Variants in MARK3 observed in about 807,000 individuals in gnomAD.
The protein encoded by MARK3 is microtubule affinity regulating kinase 3.
MARK3 carries 46 observed loss-of-function variants against 90.1 expected under a neutral mutation model. That is an observed-to-expected ratio of 0.51 (90% CI 0.40 to 0.65). The LOEUF (loss-of-function observed/expected upper bound fraction) is 0.65. MARK3 is among the 30% of genes least tolerant of loss of function. MARK3 has a pLI of 0.00. For missense variants in MARK3, 818 were observed against 947.2 expected (o/e 0.86, Z 1.79); for synonymous variants, 321 against 332.6 (o/e 0.97, Z 0.38).
chr14:103,495,633 G>A (rs751066819), intron 15 of MARK3, among the ~76,000 whole-genome samples: 6 of 152,096 alleles, frequency 3.9e-5, no homozygotes, highest in Non-Finnish European at 7.4e-5. Flanking sequence ...GGAGACTCAG[G>A]CTTGTTGTTT....
rs1398731652 is a variant in MARK3 at position 103,472,999 on chromosome 14, T to TC, written c.1265-1992dup. Among the ~76,000 whole-genome samples, 12 of 143,154 alleles carry TC rather than the reference T, an allele frequency of 8.4e-5. 1 individual carries two copies. The East Asian group carries it at 1.0e-3, about 12-fold the overall frequency. 93.9% of individuals were successfully genotyped at this position (143,154 alleles called of 152,430 possible). ...CCACAGCCTGGCCACAGAGCGAGAC[T>TC]CCGTCTCGAAAAAAAAAAAAAGGAA... On this transcript the variant is annotated intron_variant, in intron 12 of 17. Transcript: ENST00000429436.
chr14:103,476,328 T>G (rs1184042310), intron 13 of MARK3, among the ~76,000 whole-genome samples: 1 of 152,142 alleles, frequency 6.6e-6, no homozygotes, highest in African/African-American at 2.4e-5. Context: ...TTCAAAGAGC[T>G]CTAATGATGA....
At chr14:103,500,030 G>A in intron 16 of MARK3, 126 bp from the exon 17 acceptor site, 1 of 755,458 alleles carries the variant, frequency 1.3e-6, no homozygotes, top group East Asian at 2.7e-5. Context: ...CCCGGCTGGT[G>A]TTTAAAACGT....
At chr14:103,401,504 G>C (rs2090963805) in intron 1 of MARK3, among the ~76,000 whole-genome samples, 1 of 152,152 alleles carries the variant, frequency 6.6e-6, no homozygotes, top group African/African-American at 2.4e-5. Context: ...CGTGGAAACT[G>C]ATCTCCATGT....
chr14:103,490,190 C>T (rs930106505), intron 14 of MARK3: 1 of 152,078 alleles, frequency 6.6e-6, no homozygotes, highest in Admixed American at 6.6e-5. Context: ...TGGAGTGCGC[C>T]TGTATTCCCA....
At chr14:103,386,793 AG>A (rs2089840210) in intron 1 of MARK3, among the ~76,000 whole-genome samples, 3 of 152,212 alleles carry the variant, frequency 2.0e-5, no homozygotes, top group Non-Finnish European at 4.4e-5. Context: ...CTTCCTAAAA[AG>A]AGATTGGCTT....
intron 2 of MARK3, among the ~76,000 whole-genome samples, chr14:103,405,500 G>A (rs4243739): frequency 0.35 from 52,751 of 151,702 alleles, 9,708 homozygotes; most frequent in East Asian, 0.52. Flanking sequence ...ACAGGTGCCC[G>A]CCACCACACC....
At chr14:103,478,779 T>C (rs999204790) in intron 13 of MARK3, among the ~76,000 whole-genome samples, 1 of 152,206 alleles carries the variant, frequency 6.6e-6, no homozygotes, top group African/African-American at 2.4e-5. Flanking sequence ...CCTCAGGTGA[T>C]CCACCCGCCT....
At chr14:103,468,314 CTTTTTTTTTTTTTTTT>C (rs759932678) in intron 12 of MARK3, 128 bp downstream of exon 12, 6 of 116,128 alleles carry the variant, frequency 5.2e-5, no homozygotes, top group African/African-American at 1.1e-4. Flanking sequence ...TTTCTTTCTT[CTTTTTTTTTTTTTTTT>C]TTTTTTTTTT....
intron 5 of MARK3, among the ~76,000 whole-genome samples, chr14:103,454,584 A>G (rs1356787023): frequency 6.6e-6 from 1 of 152,108 alleles, no homozygotes; most frequent in East Asian, 1.9e-4. Flanking sequence ...TATTAAAACA[A>G]TTTCCGGGAC....
chr14:103,491,511 T>G (rs1017847857), intron 14 of MARK3: 10 of 387,532 alleles, frequency 2.6e-5, no homozygotes, highest in Non-Finnish European at 4.6e-5. Flanking sequence ...AGCTGTTCTC[T>G]GTCCTAGAAT....
At chr14:103,480,341 C>A in intron 13 of MARK3, 46 bp from the exon 14 acceptor site, 1 of 1,119,352 alleles carries the variant, frequency 8.9e-7, no homozygotes, top group Non-Finnish European at 1.3e-6. Flanking sequence ...TCTCATTGTA[C>A]TGTATTTACC....
At chr14:103,482,946 G>C (rs988038266) in intron 14 of MARK3, among the ~76,000 whole-genome samples, 7 of 152,136 alleles carry the variant, frequency 4.6e-5, no homozygotes, top group African/African-American at 1.7e-4. Context: ...GTCAAAGAGA[G>C]TCTCACCGCC....
At chr14:103,393,608 A>C (rs1250963417) in intron 1 of MARK3, among the ~76,000 whole-genome samples, 1 of 152,192 alleles carries the variant, frequency 6.6e-6, no homozygotes, top group Non-Finnish European at 1.5e-5. Flanking sequence ...AATTTTGGTC[A>C]TTTAAGTTAT....
chr14:103,420,890 C>A (rs996170924), intron 2 of MARK3, among the ~76,000 whole-genome samples: 12 of 151,984 alleles, frequency 7.9e-5, no homozygotes, highest in African/African-American at 2.7e-4. Context: ...TTTTTGTGAT[C>A]TATTTAATGC....
chr14:103,479,393 C>T (rs765593371), intron 13 of MARK3, among the ~76,000 whole-genome samples: 1 of 152,088 alleles, frequency 6.6e-6, no homozygotes, highest in Non-Finnish European at 1.5e-5. Context: ...TATGGTAACT[C>T]CATGTTTAAT....
Position 103,433,460 on chromosome 14 carries a change from G to A in MARK3, c.297+5020G>A, listed in dbSNP as rs190982249. 4.4e-3 allele frequency among the ~76,000 whole-genome samples: 667 copies of A among 152,172 alleles called. 3 individuals are homozygous for A. The highest frequency in any genetic ancestry group is 7.2e-3 in the Non-Finnish European group (490 of 68,000). ...AATAATGGCAGTACTTTGGGAGGCC[G>A]AGGCGGGTGGATCACCTGAGGCCAG... On this transcript the variant is annotated intron_variant, in intron 3 of 17. Transcript: ENST00000429436.
rs765368921 is a variant in MARK3, at chr14:103,491,904, C to T, written c.1714C>T (p.Arg572Trp). The T allele has an allele frequency of 1.4e-5, 22 of 1,614,060 alleles. No individual in the cohort carries two copies. Among genetic ancestry groups the T allele is most frequent in the South Asian group, 5.5e-5 (5 of 91,090 alleles). The change falls in exon 15 of 18, where the codon CGG becomes TGG. Residue 572 changes from arginine to tryptophan, a missense_variant. Physicochemically the swap from Arg to Trp is moderately radical, Grantham distance 101. Around this residue, in one of 3 missense-constraint regions of MARK3, gnomAD observed 560 missense variants for 613.5 expected, o/e 0.91. Coordinates refer to ENST00000429436, the MANE Select transcript of MARK3 (RefSeq NM_001128918.3). Reference protein sequence around the residue: ...RSTFHGQPRERRTATYNGPPA... With the variant: ...RSTFHGQPREWRTATYNGPPA... ...CACTTTCCACGGCCAGCCCCGGGAA[C>T]GGCGAACCGCAACATATAATGGCCC...
intron 2 of MARK3, among the ~76,000 whole-genome samples, chr14:103,405,632 C>T (rs2091239385): frequency 6.6e-6 from 1 of 151,236 alleles, no homozygotes; most frequent in Admixed American, 6.6e-5. Flanking sequence ...TGAGCCATAG[C>T]GCCTGTAATA....
Sources: allele counts gnomAD v4.1 joint callset (sites outside exome capture counted in the v4.1 genomes callset), GRCh38; gene constraint gnomAD v4.1.1; regional missense constraint gnomAD v4.1.1; transcripts MANE v1.5; gene names NCBI Gene and HGNC (gene_info 2026-07-23, HGNC 2026-07-21).